The following ITPRID1 variants were observed in gnomAD, a reference collection of about 807,000 sequenced individuals.
The protein encoded by ITPRID1 is ITPR interacting domain containing 1.
In ITPRID1, 96 loss-of-function variants were observed where a neutral mutation model predicts 95.4. The observed-to-expected ratio is 1.01, with a 90% confidence interval of 0.85 to 1.19. ITPRID1 has a LOEUF of 1.19. Ranked by LOEUF, ITPRID1 falls within the 50% of genes most tolerant of loss-of-function variation. The pLI, the probability that ITPRID1 is intolerant of heterozygous loss-of-function variation, is 0.00. For synonymous variants in ITPRID1, 510 were observed against 453.6 expected, an observed-to-expected ratio of 1.12 and a Z score of -1.58; for missense variants, 1,339 against 1,252.9, an observed-to-expected ratio of 1.07 and a Z score of -1.04.
intron 10 of ITPRID1, among the ~76,000 whole-genome samples, chr7:31,588,555 T>C (rs955693281): frequency 2.8e-5 from 4 of 142,326 alleles, no homozygotes; most frequent in Non-Finnish European, 4.5e-5. Flanking sequence ...TGATTGAACC[T>C]GGGAGACAGA....
At chr7:31,564,518 G>A (rs1211263490) in intron 5 of ITPRID1, among the ~76,000 whole-genome samples, 1 of 152,090 alleles carries the variant, frequency 6.6e-6, no homozygotes, top group Admixed American at 6.6e-5. Flanking sequence ...TCAAAACCAA[G>A]CAACTAGAGA....
intron 4 of ITPRID1, 118 bp downstream of exon 4, chr7:31,554,641 T>G (rs1198071647): frequency 7.7e-7 from 1 of 1,294,818 alleles, no homozygotes; most frequent in Non-Finnish European, 1.1e-6. Flanking sequence ...ATTTTAATTG[T>G]ACGTGAAGTA....
chr7:31,557,136 T>C lies in ITPRID1; in HGVS notation c.256+2235T>C, dbSNP rs184647544. ...TCCAGTATGATCTCATCTTAACTAATTAACAATCCACAAAGACCCTATTTC... is the reference window on the plus strand; with the variant it reads ...TCCAGTATGATCTCATCTTAACTAACTAACAATCCACAAAGACCCTATTTC... On this transcript the variant is annotated intron_variant, in intron 5 of 14. Transcript: ENST00000615280. Among the ~76,000 whole-genome samples the C allele has an allele frequency of 3.3e-5, 5 of 152,088 alleles. No individual in the cohort carries two copies. In the East Asian group the frequency reaches 9.8e-4, roughly 30 times the overall value.
chr7:31,572,543 G>C (rs186041064), intron 7 of ITPRID1, among the ~76,000 whole-genome samples: 3 of 152,206 alleles, frequency 2.0e-5, no homozygotes, highest in Admixed American at 2.0e-4. Flanking sequence ...TATAGAGTAT[G>C]TTACTATACA....
intron 1 of ITPRID1, among the ~76,000 whole-genome samples, chr7:31,528,367 C>T (rs1783489065): frequency 6.6e-6 from 1 of 152,184 alleles, no homozygotes; most frequent in South Asian, 2.1e-4. Flanking sequence ...TTTGCAAGTA[C>T]AGTTCTGGCC....
chr7:31,657,897 T>C (rs1001420065), downstream of ITPRID1, among the ~76,000 whole-genome samples: 7 of 152,218 alleles, frequency 4.6e-5, no homozygotes, highest in Non-Finnish European at 8.8e-5. Context: ...GTGATTATTT[T>C]CAAATTTAGA....
chr7:31,609,957 T>C (rs1411167715), intron 10 of ITPRID1, among the ~76,000 whole-genome samples: 1 of 151,622 alleles, frequency 6.6e-6, no homozygotes, highest in Non-Finnish European at 1.5e-5. Context: ...GCTGCATTCA[T>C]ACATTTTGAT....
At position 31,533,036 on chromosome 7, in the gene ITPRID1, A is replaced by AT. The variant is rs959798195; in HGVS notation, c.-97-16382dup. On this transcript the variant is annotated intron_variant, in intron 1 of 14. Coordinates refer to ENST00000615280, the MANE Select transcript of ITPRID1 (RefSeq NM_001257967.3). ...CAGTGTTATACAAGGAATTGAAAATATTTTTTTTCTTTTTTTATGTTCAGA... is the reference window on the plus strand; with the variant it reads ...CAGTGTTATACAAGGAATTGAAAATATTTTTTTTTCTTTTTTTATGTTCAGA... Among the ~76,000 whole-genome samples, 37 of 151,866 alleles carry AT rather than the reference A, an allele frequency of 2.4e-4. No individual in the cohort carries two copies. The East Asian group carries it at 6.6e-3, about 27-fold the overall frequency.
rs186028648 is a variant in ITPRID1 at position 31,558,028 on chromosome 7, T to G, written c.256+3127T>G. Among the ~76,000 whole-genome samples the G allele has an allele frequency of 2.4e-3, 362 of 152,250 alleles. 1 individual carries two copies. The highest frequency in any genetic ancestry group is 8.2e-3 in the African/African-American group (341 of 41,548). On this transcript the variant is annotated intron_variant, in intron 5 of 14. Coordinates refer to ENST00000615280, the MANE Select transcript of ITPRID1 (RefSeq NM_001257967.3). ...TTGAGGACTCTGCCTTTATGAATGG[T>G]TTAATGCCCTTATCCTGGAGTGAGT...
chr7:31,523,111 GATAC>G (rs1467651798), intron 1 of ITPRID1, among the ~76,000 whole-genome samples: 1 of 152,194 alleles, frequency 6.6e-6, no homozygotes. Flanking sequence ...GCATTAAGTA[GATAC>G]CCATGCTTAG....
At chr7:31,609,512 C>G (rs1786772392) in intron 10 of ITPRID1, among the ~76,000 whole-genome samples, 1 of 151,534 alleles carries the variant, frequency 6.6e-6, no homozygotes, top group Non-Finnish European at 1.5e-5. Flanking sequence ...TTTTCTGTTT[C>G]TGCTAGAATA....
intron 10 of ITPRID1, among the ~76,000 whole-genome samples, chr7:31,612,745 G>C (rs901664787): frequency 7.2e-5 from 11 of 152,044 alleles, no homozygotes; most frequent in Admixed American, 2.0e-4. Flanking sequence ...TTCCCTTCTT[G>C]TTTGTGCAGC....
At chr7:31,515,815 G>T (rs1783023952) in intron 1 of ITPRID1, among the ~76,000 whole-genome samples, 1 of 152,162 alleles carries the variant, frequency 6.6e-6, no homozygotes, top group Non-Finnish European at 1.5e-5. Context: ...AAGAATGATG[G>T]AAGGAGGGAA....
chr7:31,622,852 G>C lies in ITPRID1; in HGVS notation c.1229-19324G>C, dbSNP rs557076416. Among the ~76,000 whole-genome samples, 1,131 of 152,222 alleles carry C rather than the reference G, an allele frequency of 7.4e-3. 4 individuals carry two copies. The highest frequency in any genetic ancestry group is 0.012 in the Non-Finnish European group (833 of 68,014). On this transcript the variant is annotated intron_variant, in intron 10 of 14. Coordinates refer to ENST00000615280, the MANE Select transcript of ITPRID1 (RefSeq NM_001257967.3). ...TTTGAAATGATCAACAAAATTGATAGACCGCTAGCAAGACTAATAAAGAAG... is the reference window on the plus strand; with the variant it reads ...TTTGAAATGATCAACAAAATTGATACACCGCTAGCAAGACTAATAAAGAAG...
intron 1 of ITPRID1, among the ~76,000 whole-genome samples, chr7:31,544,887 A>G (rs1435994965): frequency 6.6e-6 from 1 of 152,184 alleles, no homozygotes; most frequent in Non-Finnish European, 1.5e-5. Flanking sequence ...AACAGAGTCC[A>G]GAGTTAGAAG....
intron 6 of ITPRID1, 95 bp downstream of exon 6, chr7:31,569,904 A>G (rs1194584554): frequency 5.0e-6 from 5 of 1,009,904 alleles, no homozygotes; most frequent in Admixed American, 2.5e-5. Flanking sequence ...TAATATTGCC[A>G]TAGCTCTTGG....
rs922776140 is a variant in ITPRID1 at position 31,642,800 on chromosome 7, C to T, written c.1430C>T (p.Ser477Phe). The T allele has an allele frequency of 6.2e-7, 1 of 1,613,964 alleles. No individual in the cohort carries two copies. Among genetic ancestry groups the T allele is most frequent in the Non-Finnish European group, 8.5e-7 (1 of 1,179,870 alleles). ...DCQLESDGPD[S>F]KSRASMSFSS... ...CAGCTAGAGTCGGATGGGCCAGATT[C>T]CAAAAGTAGGGCGAGCATGTCTTTT... The change falls in exon 12 of 15, where the codon TCC becomes TTC. Residue 477 changes from serine to phenylalanine, a missense_variant. Transcript: ENST00000615280.
intron 10 of ITPRID1, among the ~76,000 whole-genome samples, chr7:31,609,332 G>T (rs1401346937): frequency 6.6e-6 from 1 of 151,450 alleles, no homozygotes; most frequent in Non-Finnish European, 1.5e-5. Context: ...GAATAAGTTG[G>T]GATGTGTCCT....
Position 31,655,630 on chromosome 7 carries a change from C to T in ITPRID1, c.*2801C>T, listed in dbSNP as rs1860540. ...CCTGGAGTTATTATGCGCCTCTCGT[C>T]GCCTCCCACTGCATCATCCCTTTTT... On this transcript the variant is annotated 3_prime_UTR_variant, in exon 15 of 15. Transcript: ENST00000615280. Among the ~76,000 whole-genome samples the T allele has an allele frequency of 0.71, 107,870 of 152,076 alleles. 38,860 individuals are homozygous for T. Among genetic ancestry groups the T allele is most frequent in the East Asian group, 0.82 (4,255 of 5,166 alleles).
Sources: allele counts gnomAD v4.1 joint callset (sites outside exome capture counted in the v4.1 genomes callset), GRCh38; gene constraint gnomAD v4.1.1; transcripts MANE v1.5; gene names NCBI Gene and HGNC (gene_info 2026-07-23, HGNC 2026-07-21).